Variants in TAOK1 observed in about 807,000 individuals in gnomAD.
TAOK1 encodes serine/threonine-protein kinase TAO1.
In TAOK1, 21 loss-of-function variants were observed where a neutral mutation model predicts 138.3. The ratio of observed to expected loss-of-function variants is 0.15; its 90% CI spans 0.11 to 0.22. TAOK1 has a LOEUF of 0.22. TAOK1 is among the 10% of genes least tolerant of loss of function. TAOK1 has a pLI of 1.00. For synonymous variants in TAOK1, 361 were observed against 398.4 expected, an observed-to-expected ratio of 0.91 and a Z score of 1.12; for missense variants, 651 against 1,227.7, an observed-to-expected ratio of 0.53 and a Z score of 7.02.
chr17:29,404,316 C>A (rs1478423942), intron 1 of TAOK1, among the ~76,000 whole-genome samples: 1 of 152,058 alleles, frequency 6.6e-6, no homozygotes, highest in Non-Finnish European at 1.5e-5. Flanking sequence ...CCCTGTGCTA[C>A]CACACCCAGC....
At chr17:29,468,432 C>T (rs1341381209) in intron 3 of TAOK1, among the ~76,000 whole-genome samples, 1 of 150,934 alleles carries the variant, frequency 6.6e-6, no homozygotes, top group Non-Finnish European at 1.5e-5. Flanking sequence ...CCACCGCTCC[C>T]AGCCTTAATT....
chr17:29,475,872 C>T, intron 4 of TAOK1, 101 bp downstream of exon 4: 2 of 840,532 alleles, frequency 2.4e-6, no homozygotes, highest in South Asian at 3.1e-5. Flanking sequence ...CATGCAAAAA[C>T]ACCTGAAATG....
intron 17 of TAOK1, among the ~76,000 whole-genome samples, chr17:29,526,181 A>G (rs529783102): frequency 4.1e-4 from 62 of 152,144 alleles, no homozygotes; most frequent in Admixed American, 7.9e-4. Flanking sequence ...AGGCTGAGGC[A>G]GGAGAATCAC....
rs1195068649 is a variant in TAOK1, at chr17:29,390,822, CG to C, written c.-296del. 6.7e-6 allele frequency: 1 copy of C among 149,508 alleles called. No homozygotes were observed. The highest frequency in any genetic ancestry group is 2.0e-4 in the East Asian group (1 of 5,020). The allele number at this position is 149,508 out of a possible 1,614,324, so 9.3% of individuals were successfully genotyped here. Reference sequence around the variant, plus strand: ...GCCTCCTCGACCCCGGTCGTCCCCTCGCCCCCCCCCCCACCCCCCGCCGCCG... The same window carrying C: ...GCCTCCTCGACCCCGGTCGTCCCCTCCCCCCCCCCCCACCCCCCGCCGCCG... On this transcript the variant is annotated 5_prime_UTR_variant, in exon 1 of 20. Transcript: ENST00000261716.
At position 29,511,264 on chromosome 17, in the gene TAOK1, C is replaced by T. The variant is rs1023537983; in HGVS notation, c.1704+272C>T. 46 of 161,142 alleles carry T rather than the reference C, an allele frequency of 2.9e-4. 1 individual carries two copies. The highest frequency in any genetic ancestry group is 5.8e-4 in the Admixed American group (9 of 15,468). 10.0% of individuals were successfully genotyped at this position (161,142 alleles called of 1,614,324 possible). A position where few individuals can be genotyped will look rare whatever the true frequency, so the allele number is the denominator to read the frequency against. On this transcript the variant is annotated intron_variant, in intron 15 of 19. Transcript: ENST00000261716. ...TATTTATTTTTGAGACAAAGAGTCT[C>T]GCTCTGTCACCCAGGCTCGAGTGCA...
intron 1 of TAOK1, among the ~76,000 whole-genome samples, chr17:29,415,690 T>A (rs12453906): frequency 0.16 from 24,342 of 152,160 alleles, 2,065 homozygotes; most frequent in Admixed American, 0.21. Flanking sequence ...CTGCTTCAGT[T>A]AGCAAGAAAA....
intron 1 of TAOK1, among the ~76,000 whole-genome samples, chr17:29,447,193 G>A (rs1388574743): frequency 6.6e-6 from 1 of 151,898 alleles, no homozygotes; most frequent in Non-Finnish European, 1.5e-5. Context: ...TGGGACTATA[G>A]GCACCCACCA....
chr17:29,542,489 A>C, intron 19 of TAOK1, 72 bp from the exon 20 acceptor site: 5 of 1,360,332 alleles, frequency 3.7e-6, no homozygotes, highest in Non-Finnish European at 5.0e-6. Flanking sequence ...AAAGCTGAAT[A>C]ATTATTGCTT....
At chr17:29,526,476 C>T (rs942313503) in intron 17 of TAOK1, among the ~76,000 whole-genome samples, 7 of 152,104 alleles carry the variant, frequency 4.6e-5, no homozygotes, top group East Asian at 1.9e-4. Context: ...AGGGCAGTGG[C>T]GCAATCTCGG....
intron 1 of TAOK1, among the ~76,000 whole-genome samples, chr17:29,399,543 C>T (rs1904773541): frequency 6.6e-6 from 1 of 151,928 alleles, no homozygotes; most frequent in Non-Finnish European, 1.5e-5. Flanking sequence ...TCTTGATCTC[C>T]TGACCTCGTG....
intron 13 of TAOK1, among the ~76,000 whole-genome samples, chr17:29,507,667 T>C (rs1042515094): frequency 1.3e-5 from 2 of 152,150 alleles, no homozygotes; most frequent in Admixed American, 1.3e-4. Context: ...CCTCCAAATA[T>C]TTTTTTTCCT....
chr17:29,550,520 A>G lies in TAOK1; in HGVS notation c.*7498A>G, dbSNP rs1221600555. Reference sequence around the variant, plus strand: ...ATATGAAAAAGCCTAATGCGCATTAATGAGGTTGAAGAGACTATGAGAAAT... The same window carrying G: ...ATATGAAAAAGCCTAATGCGCATTAGTGAGGTTGAAGAGACTATGAGAAAT... On this transcript the variant is annotated 3_prime_UTR_variant, in exon 20 of 20. Transcript: ENST00000261716. 6.6e-6 allele frequency: 1 copy of G among 152,228 alleles called. No homozygotes were observed. The highest frequency in any genetic ancestry group is 1.5e-5 in the Non-Finnish European group (1 of 68,032). 9.4% of individuals were successfully genotyped at this position (152,228 alleles called of 1,614,324 possible). A position where few individuals can be genotyped will look rare whatever the true frequency, so the allele number is the denominator to read the frequency against.
chr17:29,433,424 C>CAAA (rs35805615), intron 1 of TAOK1, among the ~76,000 whole-genome samples: 2 of 91,520 alleles, frequency 2.2e-5, no homozygotes, highest in Non-Finnish European at 4.5e-5. Context: ...GACTCTGTCT[C>CAAA]AAAAAAAAAA....
At position 29,478,446 on chromosome 17, in the gene TAOK1, A is replaced by C. The variant is rs571383478; in HGVS notation, c.449+99A>C. On this transcript the variant is annotated intron_variant, in intron 6 of 19. Transcript: ENST00000261716. ...CTAAAGTTTTTATTGGTTAAAGCCA[A>C]ATAAAATAATATAAGCTCATATTTT... 4.0e-5 allele frequency: 30 copies of C among 749,056 alleles called. No homozygotes were observed. The African/African-American group carries it at 5.1e-4, about 13-fold the overall frequency. 46.4% of individuals were successfully genotyped at this position (749,056 alleles called of 1,614,324 possible).
intron 3 of TAOK1, among the ~76,000 whole-genome samples, chr17:29,474,896 T>C (rs1310183409): frequency 6.6e-6 from 1 of 151,808 alleles, no homozygotes; most frequent in Non-Finnish European, 1.5e-5. Context: ...TAAAGCAAAG[T>C]GCTGTAAATT....
intron 1 of TAOK1, among the ~76,000 whole-genome samples, chr17:29,415,102 T>G (rs1372541407): frequency 6.6e-6 from 1 of 151,998 alleles, no homozygotes; most frequent in Non-Finnish European, 1.5e-5. Context: ...CCCAAATAGC[T>G]GGGATTACAG....
At chr17:29,410,507 C>T (rs141591332) in intron 1 of TAOK1, among the ~76,000 whole-genome samples, 5,617 of 152,096 alleles carry the variant, frequency 0.037, 366 homozygotes, top group African/African-American at 0.13. Flanking sequence ...CCCGCCTCGG[C>T]CTCCCAAAGT....
intron 2 of TAOK1, 42 bp downstream of exon 2, chr17:29,451,722 A>G (rs1247191824): frequency 3.8e-6 from 6 of 1,597,002 alleles, no homozygotes; most frequent in Non-Finnish European, 4.3e-6. Context: ...AAATTTACTT[A>G]ATGTCCACTC....
chr17:29,445,615 A>G (rs1251711143), intron 1 of TAOK1, among the ~76,000 whole-genome samples: 3 of 152,198 alleles, frequency 2.0e-5, no homozygotes, highest in Admixed American at 2.0e-4. Context: ...GAGTATGACA[A>G]TGATTTTCTA....
Sources: gnomAD v4.1 joint callset for allele counts (sites outside exome capture counted in the v4.1 genomes callset) on GRCh38, gnomAD v4.1.1 for gene constraint, MANE v1.5 for transcripts, NCBI Gene and HGNC (gene_info 2026-07-23, HGNC 2026-07-21) for gene names.